The following CSRNP3 variants were observed in gnomAD, a reference collection of about 807,000 sequenced individuals.
The protein encoded by CSRNP3 is cysteine/serine-rich nuclear protein 3.
CSRNP3 carries 12 observed loss-of-function variants against 48.0 expected under a neutral mutation model. The ratio of observed to expected loss-of-function variants is 0.25; its 90% CI spans 0.16 to 0.41. CSRNP3 has a LOEUF of 0.41. CSRNP3 is among the 10% of genes least tolerant of loss of function. The probability of loss-of-function intolerance (pLI) is 1.00; values close to 1 mark genes in which losing one functional copy is unlikely to be tolerated. For missense variants in CSRNP3, 580 were observed against 724.4 expected (o/e 0.80, Z 2.29); for synonymous variants, 263 against 269.7 (o/e 0.98, Z 0.24).
chr2:165,648,543 G>A (rs1165002331), intron 4 of CSRNP3, among the ~76,000 whole-genome samples: 1 of 151,942 alleles, frequency 6.6e-6, no homozygotes, highest in Non-Finnish European at 1.5e-5. Flanking sequence ...CTACCTTTGA[G>A]CTGTACCCCC....
At chr2:165,511,789 C>T (rs1017390012) in intron 2 of CSRNP3, among the ~76,000 whole-genome samples, 1 of 152,142 alleles carries the variant, frequency 6.6e-6, no homozygotes, top group Non-Finnish European at 1.5e-5. Flanking sequence ...AGGGGACCCA[C>T]TTATGTTTGT....
intron 3 of CSRNP3, among the ~76,000 whole-genome samples, chr2:165,519,592 C>G (rs374625114): frequency 6.6e-6 from 1 of 152,080 alleles, no homozygotes; most frequent in South Asian, 2.1e-4. Context: ...GATCCCTTGC[C>G]TCATTGTGCC....
chr2:165,557,155 GA>G (rs1213299166), intron 3 of CSRNP3, among the ~76,000 whole-genome samples: 1 of 151,714 alleles, frequency 6.6e-6, no homozygotes, highest in African/African-American at 2.4e-5. Context: ...TTAAGTGATT[GA>G]AAAAAAGAAA....
intron 5 of CSRNP3, among the ~76,000 whole-genome samples, chr2:165,673,643 A>G (rs1193494680): frequency 6.6e-6 from 1 of 152,134 alleles, no homozygotes; most frequent in Non-Finnish European, 1.5e-5. Context: ...TGATGTTTTT[A>G]AATATTTGCT....
intron 4 of CSRNP3, among the ~76,000 whole-genome samples, chr2:165,650,608 A>G (rs1686888541): frequency 6.6e-6 from 1 of 152,226 alleles, no homozygotes; most frequent in Non-Finnish European, 1.5e-5. Flanking sequence ...TCCTGGTTTG[A>G]TAACAGATTT....
intron 5 of CSRNP3, among the ~76,000 whole-genome samples, chr2:165,673,881 C>T (rs1687375671): frequency 6.6e-6 from 1 of 151,930 alleles, no homozygotes; most frequent in African/African-American, 2.4e-5. Context: ...ATTAGCTGGG[C>T]ATGGTGGCAG....
intron 4 of CSRNP3, among the ~76,000 whole-genome samples, chr2:165,624,823 A>G (rs1186435347): frequency 6.6e-6 from 1 of 152,072 alleles, no homozygotes; most frequent in Non-Finnish European, 1.5e-5. Context: ...GGTGCCACAC[A>G]TTGTATTGTT....
chr2:165,473,569 C>T (rs1386875726), intron 1 of CSRNP3, among the ~76,000 whole-genome samples: 1 of 152,052 alleles, frequency 6.6e-6, no homozygotes, highest in Non-Finnish European at 1.5e-5. Context: ...TTATTTTTGA[C>T]TAATATATTT....
intron 3 of CSRNP3, among the ~76,000 whole-genome samples, chr2:165,578,721 CAG>C (rs962876457): frequency 3.3e-5 from 5 of 151,678 alleles, no homozygotes; most frequent in African/African-American, 4.8e-5. Context: ...GAAAAAAAAA[CAG>C]AAAAATATTG....
At chr2:165,553,182 C>T (rs1685120118) in intron 3 of CSRNP3, among the ~76,000 whole-genome samples, 1 of 152,056 alleles carries the variant, frequency 6.6e-6, no homozygotes, top group African/African-American at 2.4e-5. Flanking sequence ...CTAGCCTCTA[C>T]CTCCTATCTT....
In CSRNP3 at chr2:165,527,447, C is replaced by T. The variant is rs185087837; in HGVS notation, c.-24+9486C>T. Among the ~76,000 whole-genome samples, 7 of 151,920 alleles carry T rather than the reference C, an allele frequency of 4.6e-5. No individual in the cohort carries two copies. In the South Asian group the frequency reaches 6.2e-4, roughly 14 times the overall value. On this transcript the variant is annotated intron_variant, in intron 3 of 6. Coordinates refer to ENST00000651982, the MANE Select transcript of CSRNP3 (RefSeq NM_001172173.2). ...GTCTCGATCTCCTGACCTCGTGATC[C>T]GTCCTGCTCAGCCTCCTAAAGTGCT...
intron 3 of CSRNP3, among the ~76,000 whole-genome samples, chr2:165,539,588 T>A (rs912503515): frequency 2.0e-5 from 3 of 152,060 alleles, no homozygotes; most frequent in Non-Finnish European, 4.4e-5. Context: ...CTTGAACAGC[T>A]GATGTATAAA....
intron 2 of CSRNP3, among the ~76,000 whole-genome samples, chr2:165,502,706 A>G (rs77820491): frequency 0.016 from 2,405 of 151,540 alleles, 60 homozygotes; most frequent in African/African-American, 0.054. Flanking sequence ...CTGTCTGTCT[A>G]AATCTCTCTC....
chr2:165,490,439 A>G (rs1267062432), intron 1 of CSRNP3, among the ~76,000 whole-genome samples: 1 of 129,844 alleles, frequency 7.7e-6, no homozygotes, highest in Non-Finnish European at 1.6e-5. Context: ...ACAGAATTGG[A>G]AAAAACTACT....
chr2:165,610,903 C>CG (rs1686125733), intron 4 of CSRNP3, among the ~76,000 whole-genome samples: 1 of 152,140 alleles, frequency 6.6e-6, no homozygotes, highest in African/African-American at 2.4e-5. Flanking sequence ...GGGAAATAGT[C>CG]GCAACAAGTG....
chr2:165,497,779 A>T (rs1298618570), intron 2 of CSRNP3, among the ~76,000 whole-genome samples: 2 of 151,910 alleles, frequency 1.3e-5, no homozygotes, highest in Non-Finnish European at 2.9e-5. Context: ...GAGGACTTTA[A>T]TGTAGATCCC....
At chr2:165,519,837 G>A (rs1479628527) in intron 3 of CSRNP3, among the ~76,000 whole-genome samples, 2 of 151,884 alleles carry the variant, frequency 1.3e-5, no homozygotes, top group African/African-American at 4.8e-5. Flanking sequence ...ATGGAGAAAA[G>A]GGAAAAAAGA....
At chr2:165,602,247 A>G (rs1005716612) in intron 4 of CSRNP3, among the ~76,000 whole-genome samples, 4 of 152,116 alleles carry the variant, frequency 2.6e-5, no homozygotes, top group African/African-American at 4.8e-5. Context: ...TGCTTATAAG[A>G]AACAGGATCC....
rs536941609 is a variant in CSRNP3, at chr2:165,603,156, A to G, written c.148+7943A>G. 7.9e-4 allele frequency among the ~76,000 whole-genome samples: 120 copies of G among 152,210 alleles called. No homozygotes were observed. In the East Asian group the frequency reaches 0.014, roughly 18 times the overall value. On this transcript the variant is annotated intron_variant, in intron 4 of 6. Transcript: ENST00000651982. Reference sequence around the variant, plus strand: ...ATGATCCGCCCGCCTCGGCCTCCCAAAGTGCTGGGATTACAGGCGTGAGCC... The same window carrying G: ...ATGATCCGCCCGCCTCGGCCTCCCAGAGTGCTGGGATTACAGGCGTGAGCC...
Sources: allele counts gnomAD v4.1 joint callset (sites outside exome capture counted in the v4.1 genomes callset), GRCh38; gene constraint gnomAD v4.1.1; transcripts MANE v1.5; gene names NCBI Gene and HGNC (gene_info 2026-07-23, HGNC 2026-07-21).